Variants in PRDX4 observed in about 807,000 individuals in gnomAD.
PRDX4 encodes peroxiredoxin-4.
In PRDX4, 12 loss-of-function variants were observed where a neutral mutation model predicts 20.5. The ratio of observed to expected loss-of-function variants is 0.58; its 90% CI spans 0.37 to 0.95. The LOEUF (loss-of-function observed/expected upper bound fraction) is 0.95, where lower values mean the gene tolerates loss of function less well. PRDX4 is among the 40% of genes least tolerant of loss of function. The pLI is 0.01. For missense variants in PRDX4, 180 were observed against 207.3 expected, an observed-to-expected ratio of 0.87 and a Z score of 0.81; for synonymous variants, 99 against 87.5, an observed-to-expected ratio of 1.13 and a Z score of -0.73.
At position 23,674,255 on chromosome X, in the gene PRDX4, T is replaced by C. The variant is rs182356622; in HGVS notation, c.360-735T>C. Among the ~76,000 whole-genome samples, 307 of 112,061 alleles carry C rather than the reference T, an allele frequency of 2.7e-3. 1 individual carries two copies. The highest frequency in any genetic ancestry group is 9.1e-3 in the African/African-American group (281 of 30,883). ...CATCACTGTTGAAGACAAACATATA[T>C]ATTTGTATATATAAATATGTGTTTC... is the stretch of plus-strand genomic sequence containing the variant. On this transcript the variant is annotated intron_variant, in intron 2 of 6. Transcript: ENST00000379341.
At chrX:23,684,837 A>C (rs1197442710) in intron 6 of PRDX4, among the ~76,000 whole-genome samples, 1 of 111,459 alleles carries the variant, frequency 9.0e-6, no homozygotes, top group East Asian at 2.8e-4. Flanking sequence ...TATTACCACA[A>C]CCTAAAATTA....
At chrX:23,683,886 C>CAA (rs11405124) in intron 6 of PRDX4, among the ~76,000 whole-genome samples, 181 bp downstream of exon 6, 19 of 94,420 alleles carry the variant, frequency 2.0e-4, no homozygotes, top group South Asian at 5.4e-4. Flanking sequence ...TACTAAAATA[C>CAA]AAAAAAAAAA....
At chrX:23,668,778 C>T (rs1186693442) in intron 1 of PRDX4, among the ~76,000 whole-genome samples, 1 of 101,600 alleles carries the variant, frequency 9.8e-6, no homozygotes, top group Non-Finnish European at 2.0e-5. Flanking sequence ...ATTCTGAATC[C>T]CTAGAGTTAA....
chrX:23,684,441 CCTT>C (rs1188695149), intron 6 of PRDX4, among the ~76,000 whole-genome samples: 6 of 111,396 alleles, frequency 5.4e-5, no homozygotes, highest in African/African-American at 2.0e-4. Context: ...ATGATTCTCT[CCTT>C]GTCATGAAGA....
chrX:23,675,234 A>C (rs189380230), intron 3 of PRDX4, 128 bp downstream of exon 3: 2,445 of 1,125,655 alleles, frequency 2.2e-3, no homozygotes, highest in Non-Finnish European at 2.7e-3. Context: ...AGCTTTATCT[A>C]AGAGTAATAC....
intron 2 of PRDX4, among the ~76,000 whole-genome samples, chrX:23,673,369 A>G (rs770320510): frequency 8.9e-5 from 10 of 112,554 alleles, no homozygotes; most frequent in Non-Finnish European, 1.5e-4. Flanking sequence ...AAAGTTACAA[A>G]CGTAACCCTT....
chrX:23,682,904 G>T (rs1223189947), intron 5 of PRDX4, among the ~76,000 whole-genome samples: 2 of 78,804 alleles, frequency 2.5e-5, no homozygotes, highest in Non-Finnish European at 4.6e-5. Context: ...CTTACTAAAT[G>T]AGATGCAAAA....
In PRDX4 at chrX:23,684,740, G is replaced by A. The variant is rs750741470; in HGVS notation, c.765+1035G>A. On this transcript the variant is annotated intron_variant, in intron 6 of 6. Transcript: ENST00000379341. ...TGGTCTCAAACTCCTGACCTCAAGC[G>A]ATCCACCCACCTCAGCCTCCCAAAG... Among the ~76,000 whole-genome samples, 9 of 110,814 alleles carry A rather than the reference G, an allele frequency of 8.1e-5. No homozygotes were observed. In the South Asian group the frequency reaches 2.3e-3, roughly 28 times the overall value.
chrX:23,682,849 AAAAAATAT>A (rs1928107297), intron 5 of PRDX4, among the ~76,000 whole-genome samples: 2 of 39,267 alleles, frequency 5.1e-5, no homozygotes, highest in African/African-American at 1.6e-4. Flanking sequence ...AAAAAAAAAA[AAAAAATAT>A]ATATATATAT....
Position 23,679,302 on chromosome X carries a change from T to C in PRDX4, c.599+15T>C, listed in dbSNP as rs1240460206. 8.5e-7 allele frequency: 1 copy of C among 1,177,253 alleles called. No homozygotes were observed. Among genetic ancestry groups the C allele is most frequent in the Admixed American group, 2.5e-5 (1 of 39,331 alleles). On this transcript the variant is annotated intron_variant, in intron 4 of 6. Transcript: ENST00000379341. ...CACACTCTTAGGTACCTTTCAGTGG[T>C]TTTATATTATGACAAATCCAAGCGT...
chrX:23,674,941 A>T (rs1196803052), intron 2 of PRDX4, 49 bp from the exon 3 acceptor site: 10 of 1,179,173 alleles, frequency 8.5e-6, no homozygotes, highest in Non-Finnish European at 1.0e-5. Flanking sequence ...AAGTTTAGGT[A>T]TATGCTTATT....
intron 1 of PRDX4, among the ~76,000 whole-genome samples, chrX:23,669,409 C>T (rs1357262833): frequency 8.9e-6 from 1 of 111,796 alleles, no homozygotes; most frequent in East Asian, 2.8e-4. Context: ...CAAAACTTAA[C>T]ATTTTAGTTG....
At chrX:23,682,653 T>C in intron 5 of PRDX4, 127 bp downstream of exon 5, 1 of 491,290 alleles carries the variant, frequency 2.0e-6, no homozygotes, top group South Asian at 4.9e-5. Context: ...TAGCAGATCC[T>C]TTTAACAGAC....
At chrX:23,683,818 GC>G in intron 6 of PRDX4, 113 bp downstream of exon 6, 1 of 558,885 alleles carries the variant, frequency 1.8e-6, no homozygotes, top group African/African-American at 2.4e-5. Context: ...GCTGAGGCGG[GC>G]AGATCACGAG....
rs776308823 is a variant in PRDX4, at chrX:23,685,622, TAA to T, written c.766-662_766-661del. On this transcript the variant is annotated intron_variant, in intron 6 of 6. Coordinates refer to ENST00000379341, the MANE Select transcript of PRDX4 (RefSeq NM_006406.2). ...AATCAGTCAATTACAAAAGTTACAA[TAA>T]GTTATTTTTATATATATAAAGATAG... 3.2e-3 allele frequency among the ~76,000 whole-genome samples: 360 copies of T among 111,224 alleles called. 2 individuals are homozygous for T. The highest frequency in any genetic ancestry group is 0.011 in the African/African-American group (343 of 30,695).
chrX:23,684,792 G>A (rs183361748), intron 6 of PRDX4, among the ~76,000 whole-genome samples: 1 of 110,910 alleles, frequency 9.0e-6, no homozygotes, highest in Non-Finnish European at 1.9e-5. Context: ...ATGAGGCACC[G>A]CTCCTGGCCC....
chrX:23,670,112 G>T (rs1409149047), intron 1 of PRDX4, among the ~76,000 whole-genome samples: 1 of 110,659 alleles, frequency 9.0e-6, no homozygotes, highest in Non-Finnish European at 1.9e-5. Flanking sequence ...TTTAATAAAT[G>T]CAAGGGATTG....
chrX:23,678,596 C>T (rs569440317), intron 3 of PRDX4, among the ~76,000 whole-genome samples: 1 of 111,850 alleles, frequency 8.9e-6, no homozygotes, highest in African/African-American at 3.2e-5. Flanking sequence ...CGCTGCTGCA[C>T]TCCAGCCTGG....
intron 5 of PRDX4, 78 bp from the exon 6 acceptor site, chrX:23,683,593 G>T: frequency 1.0e-6 from 1 of 970,734 alleles, no homozygotes; most frequent in Non-Finnish European, 1.5e-6. Context: ...GTTTCATATA[G>T]AAACAGAAAA....
Sources: allele counts gnomAD v4.1 joint callset (sites outside exome capture counted in the v4.1 genomes callset), GRCh38; gene constraint gnomAD v4.1.1; transcripts MANE v1.5; gene names NCBI Gene and HGNC (gene_info 2026-07-23, HGNC 2026-07-21).